The following SLC22A15 variants were observed in gnomAD, a reference collection of about 807,000 sequenced individuals.
SLC22A15 encodes the protein solute carrier family 22 member 15.
SLC22A15 carries 45 observed loss-of-function variants against 62.7 expected under a neutral mutation model. That is an observed-to-expected ratio of 0.72 (90% CI 0.56 to 0.92). SLC22A15 has a LOEUF of 0.92. SLC22A15 is among the 40% of genes least tolerant of loss of function. SLC22A15 has a pLI of 0.00. For synonymous variants in SLC22A15, 264 were observed against 267.0 expected, an observed-to-expected ratio of 0.99 and a Z score of 0.11; for missense variants, 622 against 665.6, an observed-to-expected ratio of 0.93 and a Z score of 0.72.
At chr1:115,986,312 G>A (rs1378328512) in intron 1 of SLC22A15, among the ~76,000 whole-genome samples, 4 of 152,116 alleles carry the variant, frequency 2.6e-5, no homozygotes, top group African/African-American at 7.2e-5. Flanking sequence ...ATAGCAGTGT[G>A]TTGGGTTCTT....
chr1:116,031,245 T>G, intron 5 of SLC22A15, 121 bp from the exon 6 acceptor site: 1 of 713,466 alleles, frequency 1.4e-6, no homozygotes, highest in Non-Finnish European at 2.4e-6. Flanking sequence ...GAGTCAAACT[T>G]TAAGTCTAAC....
At chr1:116,005,192 T>C (rs1209464169) in intron 2 of SLC22A15, among the ~76,000 whole-genome samples, 4 of 152,308 alleles carry the variant, frequency 2.6e-5, no homozygotes, top group Middle Eastern at 3.4e-3. Flanking sequence ...TGTTCTTTAG[T>C]GGAAGGAATA....
chr1:116,021,143 T>G (rs1656813993), intron 4 of SLC22A15, among the ~76,000 whole-genome samples: 1 of 152,232 alleles, frequency 6.6e-6, no homozygotes, highest in African/African-American at 2.4e-5. Flanking sequence ...CAGATTACTG[T>G]GGAGACTATT....
At chr1:116,057,211 A>T (rs1368765294) in intron 8 of SLC22A15, among the ~76,000 whole-genome samples, 1 of 151,816 alleles carries the variant, frequency 6.6e-6, no homozygotes, top group African/African-American at 2.4e-5. Flanking sequence ...AATTTACAAG[A>T]AAAAAACAAA....
rs1657757149 is a variant in SLC22A15, at chr1:116,040,746, A to G, written c.1171+3358A>G. Among the ~76,000 whole-genome samples, 7 of 152,312 alleles carry G rather than the reference A, an allele frequency of 4.6e-5. No individual in the cohort carries two copies. The South Asian group carries it at 1.5e-3, about 32-fold the overall frequency. On this transcript the variant is annotated intron_variant, in intron 8 of 11. Transcript: ENST00000369503. ...GTCTTACCACCTCAGTCTCCTGAGT[A>G]GCTGGGACTACAGGCATGTGCCAGC...
At chr1:116,023,467 A>G (rs1656940274) in intron 4 of SLC22A15, among the ~76,000 whole-genome samples, 2 of 152,356 alleles carry the variant, frequency 1.3e-5, no homozygotes, top group South Asian at 4.1e-4. Flanking sequence ...ATTCCCCTAG[A>G]GACGACCATG....
At chr1:116,028,192 C>T (rs894952218) in intron 5 of SLC22A15, among the ~76,000 whole-genome samples, 1 of 151,148 alleles carries the variant, frequency 6.6e-6, no homozygotes, top group South Asian at 2.1e-4. Context: ...ATGTTAAGTG[C>T]AAAAATGAAT....
chr1:116,050,077 A>G (rs1658011461), intron 8 of SLC22A15, among the ~76,000 whole-genome samples: 1 of 152,158 alleles, frequency 6.6e-6, no homozygotes, highest in African/African-American at 2.4e-5. Context: ...CAGACCAATA[A>G]CAAGCAACGA....
Position 116,005,125 on chromosome 1 carries a change from C to T in SLC22A15, c.300+12882C>T, listed in dbSNP as rs116386504. ...ATTACTGATCTTTTTAAAGAATGAG[C>T]ATTTTGTTTGATTGATTTTTCTCTA... On this transcript the variant is annotated intron_variant, in intron 2 of 11. Transcript: ENST00000369503. Among the ~76,000 whole-genome samples the T allele has an allele frequency of 3.6e-3, 544 of 152,136 alleles. 6 individuals carry two copies. Among genetic ancestry groups the T allele is most frequent in the African/African-American group, 0.013 (528 of 41,500 alleles).
intron 2 of SLC22A15, among the ~76,000 whole-genome samples, chr1:116,005,583 T>C (rs905156222): frequency 1.3e-5 from 2 of 152,152 alleles, no homozygotes; most frequent in African/African-American, 4.8e-5. Flanking sequence ...AAGTCCTAGC[T>C]CTTTAGTCTC....
intron 2 of SLC22A15, among the ~76,000 whole-genome samples, chr1:116,017,974 T>C (rs1656622450): frequency 1.3e-5 from 2 of 152,232 alleles, no homozygotes; most frequent in Non-Finnish European, 2.9e-5. Flanking sequence ...TTCCCTAAAG[T>C]AGAAGATACT....
At chr1:116,060,735 T>C (rs1445458846) in intron 8 of SLC22A15, among the ~76,000 whole-genome samples, 1 of 152,212 alleles carries the variant, frequency 6.6e-6, no homozygotes, top group East Asian at 1.9e-4. Context: ...AAAATGTTGT[T>C]AGATCTCAAA....
intron 11 of SLC22A15, 29 bp downstream of exon 11, chr1:116,066,737 G>T: frequency 3.8e-6 from 6 of 1,570,420 alleles, no homozygotes; most frequent in Non-Finnish European, 5.2e-6. Context: ...TTATTATACC[G>T]CTTGGATAGT....
intron 6 of SLC22A15, among the ~76,000 whole-genome samples, chr1:116,033,296 T>G (rs1324852561): frequency 2.0e-5 from 3 of 152,222 alleles, no homozygotes; most frequent in African/African-American, 7.2e-5. Context: ...TGCAAGCATT[T>G]TAGATTTTGT....
intron 2 of SLC22A15, among the ~76,000 whole-genome samples, chr1:116,005,570 G>A (rs1655934271): frequency 6.6e-6 from 1 of 152,152 alleles, no homozygotes; most frequent in South Asian, 2.1e-4. Context: ...TTGCAGGCTT[G>A]AGAAGTCCTA....
At chr1:115,993,451 GTGTGTGTC>G (rs975279012) in intron 2 of SLC22A15, among the ~76,000 whole-genome samples, 2 of 150,148 alleles carry the variant, frequency 1.3e-5, no homozygotes, top group African/African-American at 5.0e-5. Flanking sequence ...GTGTGTGTGT[GTGTGTGTC>G]TGTCTGTCTG....
At chr1:115,982,379 C>T (rs1447930101) in intron 1 of SLC22A15, among the ~76,000 whole-genome samples, 1 of 152,180 alleles carries the variant, frequency 6.6e-6, no homozygotes, top group Non-Finnish European at 1.5e-5. Flanking sequence ...TATAGCCTTC[C>T]AGACTCTTTA....
chr1:115,992,254 G>T lies in SLC22A15; in HGVS notation c.300+11G>T. The T allele has an allele frequency of 1.3e-6, 2 of 1,559,640 alleles. No individual in the cohort carries two copies. The highest frequency in any genetic ancestry group is 1.7e-6 in the Non-Finnish European group (2 of 1,150,148). On this transcript the variant is annotated intron_variant, in intron 2 of 11. Transcript: ENST00000369503. ...TCCATCGCCTCGGAGGTAACAACAGGCTGTTTCAATCACTAAATAAATGTC... is the reference window on the plus strand; with the variant it reads ...TCCATCGCCTCGGAGGTAACAACAGTCTGTTTCAATCACTAAATAAATGTC...
chr1:116,008,442 G>A (rs545827023), intron 2 of SLC22A15, among the ~76,000 whole-genome samples: 1 of 152,146 alleles, frequency 6.6e-6, no homozygotes, highest in Admixed American at 6.5e-5. Flanking sequence ...GCATTGTTAG[G>A]TTAATGTATA....
Sources: allele counts gnomAD v4.1 joint callset (sites outside exome capture counted in the v4.1 genomes callset), GRCh38; gene constraint gnomAD v4.1.1; transcripts MANE v1.5; gene names NCBI Gene and HGNC (gene_info 2026-07-23, HGNC 2026-07-21).